The following LDLRAD3 variants were observed in gnomAD, a reference collection of about 807,000 sequenced individuals.
LDLRAD3 encodes the protein low density lipoprotein receptor class A domain containing 3, also known as low-density lipoprotein receptor class A domain-containing protein 3.
A neutral mutation model predicts 29.4 loss-of-function variants in LDLRAD3; 20 were observed. That is an observed-to-expected ratio of 0.68 (90% CI 0.48 to 0.99). The LOEUF (loss-of-function observed/expected upper bound fraction) is 0.99, where lower values mean the gene tolerates loss of function less well. LDLRAD3 is among the 50% of genes least tolerant of loss of function. The pLI, the probability that LDLRAD3 is intolerant of heterozygous loss-of-function variation, is 0.00. For synonymous variants in LDLRAD3, 157 were observed against 192.7 expected (o/e 0.81, Z 1.53); for missense variants, 420 against 454.3 (o/e 0.92, Z 0.69).
intron 4 of LDLRAD3, among the ~76,000 whole-genome samples, chr11:36,114,113 G>A (rs1388693679): frequency 1.3e-5 from 2 of 152,210 alleles, no homozygotes; most frequent in East Asian, 3.9e-4. Flanking sequence ...GAGCCGATAG[G>A]TCAAAGGTTA....
rs181972420 is a variant in LDLRAD3 at position 36,172,927 on chromosome 11, A to G, written c.455-54158A>G. Among the ~76,000 whole-genome samples the G allele has an allele frequency of 2.9e-3, 442 of 152,286 alleles. 3 individuals are homozygous for G. The highest frequency in any genetic ancestry group is 0.01 in the African/African-American group (424 of 41,578). ...GTACTAATTCTTCCTTGAATGTCTG[A>G]TAGAATTCAACTGTGAATCTGTCCG... is the stretch of plus-strand genomic sequence containing the variant. On this transcript the variant is annotated intron_variant, in intron 4 of 5. Coordinates refer to ENST00000315571, the MANE Select transcript of LDLRAD3 (RefSeq NM_174902.4).
intron 4 of LDLRAD3, among the ~76,000 whole-genome samples, chr11:36,216,695 G>T (rs1855357490): frequency 6.6e-6 from 1 of 152,146 alleles, no homozygotes; most frequent in South Asian, 2.1e-4. Context: ...CTACAAAAAA[G>T]GAGGGGGGAA....
At chr11:36,007,853 G>T (rs748908233) in intron 1 of LDLRAD3, among the ~76,000 whole-genome samples, 5 of 152,148 alleles carry the variant, frequency 3.3e-5, no homozygotes, top group Non-Finnish European at 7.3e-5. Context: ...TGTAGTTCAG[G>T]TGCTGGGAAG....
chr11:36,195,884 A>G (rs1855025100), intron 4 of LDLRAD3, among the ~76,000 whole-genome samples: 1 of 152,046 alleles, frequency 6.6e-6, no homozygotes. Flanking sequence ...CTGGGTCTAT[A>G]TTTACTTGTG....
intron 4 of LDLRAD3, among the ~76,000 whole-genome samples, chr11:36,134,533 T>G (rs1479695951): frequency 1.3e-5 from 2 of 152,204 alleles, no homozygotes; most frequent in Non-Finnish European, 2.9e-5. Context: ...CATATCATCT[T>G]AACAGTGGTG....
intron 1 of LDLRAD3, among the ~76,000 whole-genome samples, chr11:36,020,341 A>G (rs1852080567): frequency 6.6e-6 from 1 of 152,180 alleles, no homozygotes; most frequent in South Asian, 2.1e-4. Flanking sequence ...TAAGCAAGTT[A>G]TTATCTGAGC....
chr11:36,090,092 G>T (rs1257076587), intron 3 of LDLRAD3, among the ~76,000 whole-genome samples: 1 of 152,206 alleles, frequency 6.6e-6, no homozygotes, highest in Admixed American at 6.5e-5. Context: ...CATATAGCTA[G>T]TGAAGTGGTA....
intron 2 of LDLRAD3, among the ~76,000 whole-genome samples, chr11:36,045,681 C>G (rs907263144): frequency 1.7e-4 from 25 of 148,548 alleles, no homozygotes; most frequent in African/African-American, 5.9e-4. Flanking sequence ...TTTTCCTGTG[C>G]TGTTCTCATG....
At chr11:36,068,692 A>G (rs1852839073) in intron 2 of LDLRAD3, among the ~76,000 whole-genome samples, 1 of 151,972 alleles carries the variant, frequency 6.6e-6, no homozygotes, top group South Asian at 2.1e-4. Flanking sequence ...AATTTTTTGT[A>G]TTTTTAGTAG....
Position 36,011,375 on chromosome 11 carries a change from G to T in LDLRAD3, c.47-24728G>T, listed in dbSNP as rs115235255. Among the ~76,000 whole-genome samples the T allele has an allele frequency of 3.0e-3, 453 of 152,216 alleles. 3 individuals carry two copies. The highest frequency in any genetic ancestry group is 0.011 in the African/African-American group (441 of 41,514). Reference sequence around the variant, plus strand: ...CAAAACAGAGCATGCGATAGGCAGCGGGTATCTATTAAATATAAATATCTT... The same window carrying T: ...CAAAACAGAGCATGCGATAGGCAGCTGGTATCTATTAAATATAAATATCTT... On this transcript the variant is annotated intron_variant, in intron 1 of 5. Coordinates refer to ENST00000315571, the MANE Select transcript of LDLRAD3 (RefSeq NM_174902.4).
chr11:36,204,589 G>A (rs1855179053), intron 4 of LDLRAD3, among the ~76,000 whole-genome samples: 2 of 151,444 alleles, frequency 1.3e-5, no homozygotes, highest in South Asian at 4.2e-4. Flanking sequence ...CCGGGTTTAA[G>A]CGATTCTGCT....
chr11:36,025,557 T>A (rs1304884564), intron 1 of LDLRAD3, among the ~76,000 whole-genome samples: 1 of 151,610 alleles, frequency 6.6e-6, no homozygotes, highest in East Asian at 2.0e-4. Flanking sequence ...CCCGGCTAAT[T>A]TTTTGTATTT....
At chr11:36,110,261 C>T (rs905970243) in intron 4 of LDLRAD3, among the ~76,000 whole-genome samples, 5 of 152,166 alleles carry the variant, frequency 3.3e-5, no homozygotes, top group East Asian at 1.9e-4. Flanking sequence ...TTTGTTACTG[C>T]GGTAATCTTT....
intron 4 of LDLRAD3, among the ~76,000 whole-genome samples, chr11:36,105,789 C>T (rs1853520785): frequency 6.6e-6 from 1 of 152,164 alleles, no homozygotes; most frequent in Admixed American, 6.5e-5. Context: ...GACTTCTGGC[C>T]TCTGGAACGA....
chr11:36,039,490 G>C (rs771859146), intron 2 of LDLRAD3, among the ~76,000 whole-genome samples: 2 of 152,250 alleles, frequency 1.3e-5, no homozygotes, highest in Non-Finnish European at 2.9e-5. Context: ...GGGTAATAAG[G>C]CTTCTGATAC....
intron 2 of LDLRAD3, among the ~76,000 whole-genome samples, chr11:36,076,629 A>G (rs1400436866): frequency 6.6e-6 from 1 of 151,992 alleles, no homozygotes; most frequent in Non-Finnish European, 1.5e-5. Flanking sequence ...CTTGTGATCC[A>G]CCCACCTCGG....
At chr11:36,224,023 T>C (rs966075599) in intron 4 of LDLRAD3, among the ~76,000 whole-genome samples, 4 of 150,912 alleles carry the variant, frequency 2.7e-5, no homozygotes, top group Non-Finnish European at 4.4e-5. Flanking sequence ...CTGTGCACTT[T>C]AAAATGGTTA....
At chr11:36,068,578 G>C (rs112763629) in intron 2 of LDLRAD3, among the ~76,000 whole-genome samples, 3 of 152,088 alleles carry the variant, frequency 2.0e-5, no homozygotes, top group Non-Finnish European at 4.4e-5. Flanking sequence ...GTGCAGTGGC[G>C]CAATCTCAGC....
chr11:36,082,797 C>T (rs534270862), intron 3 of LDLRAD3, among the ~76,000 whole-genome samples: 7 of 152,150 alleles, frequency 4.6e-5, no homozygotes, highest in African/African-American at 9.7e-5. Context: ...AATGACTTTG[C>T]GTACAGCAGC....
Sources: allele counts gnomAD v4.1 joint callset (sites outside exome capture counted in the v4.1 genomes callset), GRCh38; gene constraint gnomAD v4.1.1; transcripts MANE v1.5; gene names NCBI Gene and HGNC (gene_info 2026-07-23, HGNC 2026-07-21).